PTPRF: variants seen among roughly 807,000 people sequenced by gnomAD.
PTPRF encodes the protein receptor-type tyrosine-protein phosphatase F.
Under a neutral mutation model 201.8 loss-of-function variants are expected in PTPRF, and 59 were observed. The observed-to-expected ratio is 0.29, with a 90% CI of 0.24 to 0.36. The LOEUF is 0.36. Ranked by LOEUF, PTPRF falls within the 10% of genes least tolerant of loss-of-function variation. The pLI is 1.00. For synonymous variants in PTPRF, 1,088 were observed against 1,089.7 expected, an observed-to-expected ratio of 1.00 and a Z score of 0.03; for missense variants, 2,132 against 2,690.5, an observed-to-expected ratio of 0.79 and a Z score of 4.59.
Position 43,621,034 on chromosome 1 carries a change from AG to A in PTPRF, c.5519+44del. ...GGAGGGCTGGGGTGGGTGGGCCTGAAGGCCTGGCAGACCCACTGCATGAGGC... is the reference window on the plus strand; with the variant it reads ...GGAGGGCTGGGGTGGGTGGGCCTGAAGCCTGGCAGACCCACTGCATGAGGC... On this transcript the variant is annotated intron_variant, in intron 32 of 33. Transcript: ENST00000359947. 3 of 1,610,264 alleles carry A rather than the reference AG, an allele frequency of 1.9e-6. No individual in the cohort carries two copies. In the South Asian group the frequency reaches 3.3e-5, roughly 18 times the overall value.
In PTPRF at chr1:43,567,353, C is replaced by G. The variant is rs550010438; in HGVS notation, c.380-2237C>G. ...TTCATTTCCGTCCTCCTTCCCTTCT[C>G]TTGCCACTGTTGAACATTTTACTTT... On this transcript the variant is annotated intron_variant, in intron 5 of 33. Transcript: ENST00000359947. Among the ~76,000 whole-genome samples the G allele has an allele frequency of 1.5e-4, 23 of 152,330 alleles. No homozygotes were observed. The East Asian group carries it at 4.2e-3, about 28-fold the overall frequency.
In PTPRF at chr1:43,606,865, C is replaced by T. The variant is rs746966652; in HGVS notation, c.3754C>T (p.Pro1252Ser). ...GGATGAGATCGTGGTCCAGGTGACA[C>T]CAGCCCAGCAGCAGGAGGAGCCGGA... ...YSDEIVVQVT[P>S]AQQQEEPEML... Residue 1252 changes from proline (P) to serine (S), a missense_variant, in exon 21 of 34, where the codon CCA becomes TCA. This residue lies in a region of PTPRF where 818 missense variants were observed against 915.3 expected (regional missense o/e 0.89). Transcript: ENST00000359947. 1.2e-6 allele frequency: 2 copies of T among 1,614,148 alleles called. No individual in the cohort carries two copies. Among genetic ancestry groups the T allele is most frequent in the Non-Finnish European group, 8.5e-7 (1 of 1,180,030 alleles).
chr1:43,523,956 G>A (rs1343172631), upstream of PTPRF, among the ~76,000 whole-genome samples: 8 of 150,878 alleles, frequency 5.3e-5, no homozygotes, highest in Non-Finnish European at 1.0e-4. Flanking sequence ...CCAGCTACTC[G>A]GGAGGCTGAG....
intron 13 of PTPRF, among the ~76,000 whole-genome samples, chr1:43,599,967 G>T (rs1653340513): frequency 6.6e-6 from 1 of 152,186 alleles, no homozygotes; most frequent in Admixed American, 6.5e-5. Context: ...GAGAGCAGGG[G>T]TGCGTGTACC....
intron 10 of PTPRF, 26 bp from the exon 11 acceptor site, chr1:43,592,431 C>A (rs943670193): frequency 6.3e-7 from 1 of 1,587,486 alleles, no homozygotes; most frequent in Non-Finnish European, 8.6e-7. Context: ...TCAGAGCTGT[C>A]AGTGAGTGCT....
intron 10 of PTPRF, 134 bp from the exon 11 acceptor site, chr1:43,592,323 G>T: frequency 8.9e-7 from 1 of 1,118,222 alleles, no homozygotes; most frequent in Non-Finnish European, 1.3e-6. Context: ...TGTGCTCCAT[G>T]TGGCCTTATG....
intron 5 of PTPRF, among the ~76,000 whole-genome samples, chr1:43,569,219 G>GCCCCCCCCCCCCCCCCCCC (rs11313129): frequency 7.3e-6 from 1 of 137,838 alleles, no homozygotes; most frequent in Non-Finnish European, 1.6e-5. Flanking sequence ...CTCCCTGCTA[G>GCCCCCCCCCCCCCCCCCCC]CCCCCCCCCC....
upstream of PTPRF, among the ~76,000 whole-genome samples, chr1:43,524,407 C>A (rs1412170129): frequency 6.6e-6 from 1 of 152,126 alleles, no homozygotes; most frequent in African/African-American, 2.4e-5. Context: ...CATGTGTAAT[C>A]CCAGCACTTT....
In PTPRF at chr1:43,619,817, G is replaced by A. The variant is rs922616054; in HGVS notation, c.5070G>A (p.Glu1690=). The change falls in exon 29 of 34, where the codon GAG becomes GAA. Residue 1690 remains glutamate, a synonymous_variant. Coordinates refer to ENST00000359947, the MANE Select transcript of PTPRF (RefSeq NM_002840.5). ...RVCLQPIRGV[E]GSDYINASFL... ...GTCTGCAGCCCATCCGTGGTGTGGA[G>A]GGCTCTGACTACATCAATGCCAGCT... is the stretch of plus-strand genomic sequence containing the variant. 7 of 1,614,122 alleles carry A rather than the reference G, an allele frequency of 4.3e-6. No individual in the cohort carries two copies. Among genetic ancestry groups the A allele is most frequent in the Admixed American group, 1.7e-5 (1 of 60,008 alleles).
intron 13 of PTPRF, 118 bp from the exon 14 acceptor site, chr1:43,601,953 T>G (rs897682925): frequency 4.2e-5 from 51 of 1,210,972 alleles, no homozygotes; most frequent in Non-Finnish European, 5.7e-5. Flanking sequence ...ATGGGTACTT[T>G]GAGGCCCAAA....
intron 3 of PTPRF, among the ~76,000 whole-genome samples, chr1:43,548,057 G>A (rs1644793888): frequency 1.3e-5 from 2 of 152,024 alleles, no homozygotes; most frequent in Admixed American, 1.3e-4. Flanking sequence ...AGCATCTTGG[G>A]AGAGGAGTTG....
chr1:43,586,209 A>T (rs1031742946), intron 7 of PTPRF, among the ~76,000 whole-genome samples: 1 of 152,214 alleles, frequency 6.6e-6, no homozygotes, highest in Non-Finnish European at 1.5e-5. Flanking sequence ...TTCCCTTCCC[A>T]TGAAGAGGAG....
chr1:43,603,334 G>A lies in PTPRF; in HGVS notation c.2341-82G>A. 2 of 1,304,620 alleles carry A rather than the reference G, an allele frequency of 1.5e-6. No individual in the cohort carries two copies. Among genetic ancestry groups the A allele is most frequent in the Non-Finnish European group, 2.2e-6 (2 of 902,100 alleles). The allele number at this position is 1,304,620 out of a possible 1,614,324, so 80.8% of individuals were successfully genotyped here. The stretch of plus-strand genomic sequence containing the variant: ...CTTGTGTGCCCCGGGGCTCCCCTCA[G>A]GCTAGGGTCCTGAGGTCCCTGACAA... On this transcript the variant is annotated intron_variant, in intron 14 of 33. Transcript: ENST00000359947. The surrounding 1 kb of genome is among the most constrained non-coding windows in gnomAD (Gnocchi z 5.8).
intron 3 of PTPRF, among the ~76,000 whole-genome samples, chr1:43,551,447 G>A (rs543902812): frequency 2.0e-4 from 30 of 152,252 alleles, no homozygotes; most frequent in African/African-American, 6.7e-4. Flanking sequence ...GGCAAGGCAC[G>A]CTGGGGGGTT....
At chr1:43,608,192 C>A (rs928588917) in intron 21 of PTPRF, among the ~76,000 whole-genome samples, 2 of 152,162 alleles carry the variant, frequency 1.3e-5, no homozygotes, top group African/African-American at 4.8e-5. Flanking sequence ...AGAGGTAGAC[C>A]CCCTCCCTGT....
Position 43,622,020 on chromosome 1 carries a change from C to G in PTPRF, c.*17C>G, listed in dbSNP as rs1659338458. 1.2e-6 allele frequency: 2 copies of G among 1,613,184 alleles called. No homozygotes were observed. The highest frequency in any genetic ancestry group is 2.7e-5 in the African/African-American group (2 of 75,046). On this transcript the variant is annotated 3_prime_UTR_variant, in exon 34 of 34. Transcript: ENST00000359947. ...GCAACGTAACTACCGCTCCCCTCTCCTCCGCCACCCCCGCCGTGGGGCTCC... is the reference window on the plus strand; with the variant it reads ...GCAACGTAACTACCGCTCCCCTCTCGTCCGCCACCCCCGCCGTGGGGCTCC...
intron 31 of PTPRF, 33 bp downstream of exon 31, chr1:43,620,612 T>C (rs760045507): frequency 6.2e-6 from 10 of 1,605,862 alleles, no homozygotes; most frequent in Admixed American, 1.7e-5. Context: ...TCCATAACGC[T>C]GCCTGTCCAC....
chr1:43,579,490 T>C, intron 7 of PTPRF: 1 of 338,520 alleles, frequency 3.0e-6, no homozygotes, highest in Non-Finnish European at 5.8e-6. Flanking sequence ...CCTGTGGTTA[T>C]GTTGCCTCGG....
chr1:43,536,785 G>A (rs1364019051), intron 1 of PTPRF, among the ~76,000 whole-genome samples: 1 of 152,220 alleles, frequency 6.6e-6, no homozygotes, highest in African/African-American at 2.4e-5. Context: ...AGAGAGGGCT[G>A]CGGGTTCTGG....
Sources: gnomAD v4.1 joint callset for allele counts (sites outside exome capture counted in the v4.1 genomes callset) on GRCh38, gnomAD v4.1.1 for gene constraint, gnomAD v4.1.1 regional missense constraint, Gnocchi (gnomAD v3.1) non-coding constraint, MANE v1.5 for transcripts, NCBI Gene and HGNC (gene_info 2026-07-23, HGNC 2026-07-21) for gene names.